Variants in TBC1D10A observed in about 807,000 individuals in gnomAD.
TBC1D10A encodes EBP50-PDX interactor of 64 kDa.
Under a neutral mutation model 52.9 loss-of-function variants are expected in TBC1D10A, and 24 were observed. The observed-to-expected ratio is 0.45, with a 90% CI of 0.33 to 0.64. TBC1D10A has a LOEUF of 0.64. TBC1D10A is among the 30% of genes least tolerant of loss of function. The pLI is 0.02. For missense variants in TBC1D10A, 602 were observed against 687.9 expected (o/e 0.88, Z 1.40); for synonymous variants, 278 against 282.9 (o/e 0.98, Z 0.17).
chr22:30,295,316 G>A (rs1930053485), intron 4 of TBC1D10A, among the ~76,000 whole-genome samples: 1 of 152,162 alleles, frequency 6.6e-6, no homozygotes, highest in Admixed American at 6.5e-5. Context: ...CAGGGCCAGG[G>A]CGGGATGTAA....
intron 6 of TBC1D10A, among the ~76,000 whole-genome samples, chr22:30,294,366 A>G (rs1185056708): frequency 6.6e-6 from 1 of 152,270 alleles, no homozygotes; most frequent in East Asian, 1.9e-4. Context: ...TGCCCCTAAC[A>G]AGGCTGGAGC....
chr22:30,299,297 C>T, intron 3 of TBC1D10A, 147 bp downstream of exon 3: 1 of 767,512 alleles, frequency 1.3e-6, no homozygotes, highest in Middle Eastern at 2.6e-4. Context: ...GTCTGGCCTG[C>T]TGGGGCCTGG....
chr22:30,314,413 A>C (rs546458587), intron 1 of TBC1D10A, among the ~76,000 whole-genome samples: 1 of 152,322 alleles, frequency 6.6e-6, no homozygotes. Context: ...TGTAGGTGAA[A>C]GCCTCGTCCA....
intron 5 of TBC1D10A, 27 bp downstream of exon 5, chr22:30,294,914 C>CCCTG (rs745910412): frequency 1.2e-6 from 2 of 1,614,048 alleles, no homozygotes; most frequent in Non-Finnish European, 1.7e-6. Flanking sequence ...CCACCCACCC[C>CCCTG]CCTGCCTGCC....
intron 1 of TBC1D10A, chr22:30,318,961 A>C (rs1402221252): frequency 3.1e-6 from 1 of 323,046 alleles, no homozygotes; most frequent in Non-Finnish European, 6.1e-6. Context: ...CCTGACATTC[A>C]AGGCTAGACT....
chr22:30,322,182 T>C (rs890472147), intron 1 of TBC1D10A, among the ~76,000 whole-genome samples: 3 of 152,038 alleles, frequency 2.0e-5, no homozygotes, highest in Non-Finnish European at 2.9e-5. Flanking sequence ...GGTTTCACCA[T>C]GTTGGCCAGG....
chr22:30,300,765 C>G (rs1930186505), intron 2 of TBC1D10A: 1 of 152,210 alleles, frequency 6.6e-6, no homozygotes, highest in Non-Finnish European at 1.5e-5. Flanking sequence ...CTCGTTGACC[C>G]TGAGCTCCCA....
chr22:30,323,703 T>C (rs1451413178), intron 1 of TBC1D10A, among the ~76,000 whole-genome samples: 2 of 152,104 alleles, frequency 1.3e-5, no homozygotes, highest in South Asian at 2.1e-4. Flanking sequence ...TGGTGGCTCA[T>C]GCCTGTAAAC....
At chr22:30,293,359 T>A (rs1466842469) in intron 8 of TBC1D10A, 1 of 666,988 alleles carries the variant, frequency 1.5e-6, no homozygotes, top group Non-Finnish European at 2.8e-6. Flanking sequence ...CAAAGAGAAA[T>A]AAGAGCCAAG....
At chr22:30,304,872 T>C (rs985971212) in intron 1 of TBC1D10A, among the ~76,000 whole-genome samples, 6 of 152,200 alleles carry the variant, frequency 3.9e-5, no homozygotes, top group Non-Finnish European at 8.8e-5. Context: ...ACTTCCCTAA[T>C]GTGGCCAGGA....
intron 1 of TBC1D10A, among the ~76,000 whole-genome samples, chr22:30,308,304 C>A (rs5997603): frequency 2.5e-4 from 35 of 139,514 alleles, no homozygotes; most frequent in African/African-American, 9.2e-4. Context: ...GCCTGCATGC[C>A]TGCCTGCCTG....
chr22:30,312,452 G>C (rs1406678442), intron 1 of TBC1D10A, among the ~76,000 whole-genome samples: 1 of 152,236 alleles, frequency 6.6e-6, no homozygotes, highest in Non-Finnish European at 1.5e-5. Context: ...GAGCTCAGGA[G>C]TTTGAAGCTG....
rs376317710 is a variant in TBC1D10A at position 30,304,682 on chromosome 22, C to T, written c.210-52G>A. On this transcript the variant is annotated intron_variant, in intron 1 of 8. Transcript: ENST00000215790. ...AGAGGTGCCAAGGGAAGCAAAGGCC[C>T]TGGCTTCATTCCCAGCCGCCAGCCT... 446 of 1,596,898 alleles carry T rather than the reference C, an allele frequency of 2.8e-4. No homozygotes were observed. The African/African-American group carries it at 5.4e-3, about 19-fold the overall frequency.
intron 1 of TBC1D10A, among the ~76,000 whole-genome samples, chr22:30,320,726 G>T (rs1009837599): frequency 6.6e-6 from 1 of 152,174 alleles, no homozygotes; most frequent in African/African-American, 2.4e-5. Context: ...AGAACCACGA[G>T]CTGCTCCAGT....
rs528063932 is a variant in TBC1D10A, at chr22:30,305,136, C to A, written c.210-506G>T. On this transcript the variant is annotated intron_variant, in intron 1 of 8. Transcript: ENST00000215790. The stretch of plus-strand genomic sequence containing the variant: ...CTTTCCCTCTCAGCCTTTATTCATG[C>A]CAGTAACTTTGCTGGAATGCTTCCC... 1.3e-4 allele frequency among the ~76,000 whole-genome samples: 20 copies of A among 152,342 alleles called. No homozygotes were observed. The South Asian group carries it at 2.5e-3, about 19-fold the overall frequency.
Position 30,315,763 on chromosome 22 carries a change from A to T in TBC1D10A, c.209+10910T>A, listed in dbSNP as rs533939620. Among the ~76,000 whole-genome samples, 196 of 152,322 alleles carry T rather than the reference A, an allele frequency of 1.3e-3. 1 individual carries two copies. The highest frequency in any genetic ancestry group is 4.5e-3 in the African/African-American group (186 of 41,568). On this transcript the variant is annotated intron_variant, in intron 1 of 8. Coordinates refer to ENST00000215790, the MANE Select transcript of TBC1D10A (RefSeq NM_031937.3). The stretch of plus-strand genomic sequence containing the variant: ...AGCTACTCCTGCCTTGTCTTGGGGT[A>T]CATATGAGGAGCTGTGTGTGGAGTC...
intron 8 of TBC1D10A, 66 bp downstream of exon 8, chr22:30,293,584 AC>A: frequency 6.4e-7 from 1 of 1,557,608 alleles, no homozygotes; most frequent in South Asian, 1.2e-5. Flanking sequence ...GGTTAGCGGG[AC>A]CCCCTTCAAA....
chr22:30,292,329 G>A lies in TBC1D10A; in HGVS notation c.*46C>T, dbSNP rs375929016. On this transcript the variant is annotated 3_prime_UTR_variant, in exon 9 of 9. Transcript: ENST00000215790. The stretch of plus-strand genomic sequence containing the variant: ...GATGTGGAATGTCAGTTCATGAACC[G>A]TGTAGTTATATGGAGACCCCGCCCT... 1.2e-4 allele frequency: 176 copies of A among 1,471,412 alleles called. No individual in the cohort carries two copies. Among genetic ancestry groups the A allele is most frequent in the Admixed American group, 4.7e-4 (21 of 44,328 alleles). The allele number at this position is 1,471,412 out of a possible 1,614,324, so 91.1% of individuals were successfully genotyped here. A position where few individuals can be genotyped will look rare whatever the true frequency, so the allele number is the denominator to read the frequency against.
At chr22:30,293,224 G>C in intron 8 of TBC1D10A, 2 of 624,224 alleles carry the variant, frequency 3.2e-6, no homozygotes, top group Non-Finnish European at 6.1e-6. Flanking sequence ...CACCTGGGTG[G>C]GTGACTTTAA....
Sources: allele counts gnomAD v4.1 joint callset (sites outside exome capture counted in the v4.1 genomes callset), GRCh38; gene constraint gnomAD v4.1.1; transcripts MANE v1.5; gene names NCBI Gene and HGNC (gene_info 2026-07-23, HGNC 2026-07-21).